The following FER1L6 variants were observed in gnomAD, a reference collection of about 807,000 sequenced individuals.
The protein encoded by FER1L6 is fer-1-like protein 6.
FER1L6 carries 177 observed loss-of-function variants against 219.2 expected under a neutral mutation model. That is an observed-to-expected ratio of 0.81 (90% CI 0.71 to 0.91). FER1L6 has a LOEUF of 0.91. Among genes scored for constraint, FER1L6 ranks in the 40% least tolerant of loss-of-function variants. The probability of loss-of-function intolerance (pLI) is 0.00; values close to 1 mark genes in which losing one functional copy is unlikely to be tolerated. For synonymous variants in FER1L6, 768 were observed against 824.3 expected (o/e 0.93, Z 1.17); for missense variants, 2,153 against 2,259.9 (o/e 0.95, Z 0.96).
chr8:124,025,353 G>A (rs1304386307), intron 18 of FER1L6, among the ~76,000 whole-genome samples: 3 of 151,904 alleles, frequency 2.0e-5, no homozygotes, highest in Admixed American at 6.6e-5. Flanking sequence ...TAATTTTTTT[G>A]TATATGGTGA....
chr8:123,954,647 A>C (rs1385489587), intron 1 of FER1L6, among the ~76,000 whole-genome samples: 1 of 152,170 alleles, frequency 6.6e-6, no homozygotes, highest in Non-Finnish European at 1.5e-5. Flanking sequence ...TTCACACATG[A>C]GGACCCTGAA....
intron 20 of FER1L6, among the ~76,000 whole-genome samples, chr8:124,043,769 G>A (rs1399593602): frequency 1.3e-5 from 2 of 152,244 alleles, no homozygotes; most frequent in Non-Finnish European, 1.5e-5. Context: ...CTCAGTCACT[G>A]AATGAGGACG....
chr8:124,054,097 CCT>C (rs1161554682), intron 22 of FER1L6, among the ~76,000 whole-genome samples: 4 of 152,160 alleles, frequency 2.6e-5, no homozygotes, highest in Admixed American at 1.3e-4. Context: ...GTTCCCATCC[CCT>C]GTTCCCATGG....
At chr8:123,886,044 C>T (rs1376233689) in intron 1 of FER1L6, among the ~76,000 whole-genome samples, 1 of 152,212 alleles carries the variant, frequency 6.6e-6, no homozygotes, top group Admixed American at 6.5e-5. Context: ...TGCCATTTGC[C>T]TTGAGACTGC....
intron 33 of FER1L6, among the ~76,000 whole-genome samples, chr8:124,087,248 T>C (rs144843970): frequency 1.3e-5 from 2 of 152,270 alleles, no homozygotes; most frequent in Non-Finnish European, 2.9e-5. Flanking sequence ...TTCTAGATCT[T>C]GTAGGCATGC....
chr8:123,916,443 T>C (rs966333310), intron 1 of FER1L6, among the ~76,000 whole-genome samples: 1 of 152,200 alleles, frequency 6.6e-6, no homozygotes, highest in Non-Finnish European at 1.5e-5. Context: ...AAATTATCCT[T>C]TTCTCTCCAT....
chr8:124,041,112 A>G (rs1428611052), intron 20 of FER1L6, among the ~76,000 whole-genome samples: 3 of 152,210 alleles, frequency 2.0e-5, no homozygotes, highest in Non-Finnish European at 4.4e-5. Flanking sequence ...GTGGTTTGAA[A>G]AGAGGAAAAC....
Position 124,080,327 on chromosome 8 carries a change from T to C in FER1L6, c.4221-1961T>C, listed in dbSNP as rs539805626. 2.6e-5 allele frequency among the ~76,000 whole-genome samples: 4 copies of C among 152,236 alleles called. No homozygotes were observed. In the South Asian group the frequency reaches 6.2e-4, roughly 24 times the overall value. ...CATAGTGGGCTGTTTTTGGTAACTTTTTTTTTCAAGATGGAGTTTTGCTCT... is the reference window on the plus strand; with the variant it reads ...CATAGTGGGCTGTTTTTGGTAACTTCTTTTTTCAAGATGGAGTTTTGCTCT... On this transcript the variant is annotated intron_variant, in intron 32 of 40. Coordinates refer to ENST00000522917, the MANE Select transcript of FER1L6 (RefSeq NM_001039112.2).
chr8:123,951,178 T>C (rs1814745118), intron 1 of FER1L6, among the ~76,000 whole-genome samples: 1 of 152,184 alleles, frequency 6.6e-6, no homozygotes, highest in Non-Finnish European at 1.5e-5. Context: ...CTGTGGCACA[T>C]TAGAATCACC....
chr8:123,896,592 G>T (rs984655910), intron 1 of FER1L6, among the ~76,000 whole-genome samples: 1 of 152,026 alleles, frequency 6.6e-6, no homozygotes, highest in Non-Finnish European at 1.5e-5. Context: ...ATTTTAAAGC[G>T]TCTATTATTT....
At chr8:124,058,221 A>C (rs1820397557) in intron 22 of FER1L6, among the ~76,000 whole-genome samples, 1 of 152,146 alleles carries the variant, frequency 6.6e-6, no homozygotes, top group Non-Finnish European at 1.5e-5. Context: ...TGACCCTAAG[A>C]GTGAGTGCCT....
chr8:123,936,169 C>G (rs1412020044), intron 1 of FER1L6, among the ~76,000 whole-genome samples: 1 of 152,056 alleles, frequency 6.6e-6, no homozygotes, highest in Non-Finnish European at 1.5e-5. Flanking sequence ...AGGAGGAATG[C>G]CAACAGCCTA....
At chr8:124,119,461 C>T in intron 40 of FER1L6, 146 bp from the exon 41 acceptor site, 1 of 660,424 alleles carries the variant, frequency 1.5e-6, no homozygotes, top group East Asian at 2.6e-5. Context: ...GCTGCTCCTG[C>T]TTCAGGCAAC....
chr8:124,000,726 C>T (rs143353641), intron 12 of FER1L6, among the ~76,000 whole-genome samples: 56 of 152,234 alleles, frequency 3.7e-4, no homozygotes, highest in African/African-American at 1.2e-3. Flanking sequence ...AAAGCCATTC[C>T]CAGAAAGAGC....
intron 18 of FER1L6, among the ~76,000 whole-genome samples, 168 bp downstream of exon 18, chr8:124,023,764 C>T (rs1174784413): frequency 6.6e-6 from 1 of 152,132 alleles, no homozygotes; most frequent in Non-Finnish European, 1.5e-5. Flanking sequence ...ATTCAGTAGA[C>T]CACCTTTAGG....
intron 5 of FER1L6, among the ~76,000 whole-genome samples, chr8:123,966,541 T>G (rs532449452): frequency 6.6e-6 from 1 of 152,360 alleles, no homozygotes. Context: ...ATACGTTTTC[T>G]TATTTATTAT....
In FER1L6 at chr8:124,066,552, TAG is replaced by T. The variant is rs751211519; in HGVS notation, c.3678+5_3678+6del. 85 of 1,613,422 alleles carry T rather than the reference TAG, an allele frequency of 5.3e-5. No individual in the cohort carries two copies. Among genetic ancestry groups the T allele is most frequent in the African/African-American group, 9.3e-5 (7 of 74,992 alleles). ...GCCTCCCTGAAGAAAGCCCAGAAGG[TAG>T]AGTCTCCCCTACCTGTGGCAGTTAA... On this transcript the variant is annotated splice_donor_region_variant and intron_variant, in intron 27 of 40. Coordinates refer to ENST00000522917, the MANE Select transcript of FER1L6 (RefSeq NM_001039112.2).
intron 1 of FER1L6, among the ~76,000 whole-genome samples, chr8:123,858,261 T>G (rs1474506312): frequency 6.6e-6 from 1 of 152,224 alleles, no homozygotes; most frequent in African/African-American, 2.4e-5. Context: ...ATGGCGTCTG[T>G]CAGGTTCTTG....
At chr8:123,903,060 T>G (rs373593920) in intron 1 of FER1L6, among the ~76,000 whole-genome samples, 19 of 152,292 alleles carry the variant, frequency 1.2e-4, no homozygotes, top group African/African-American at 4.6e-4. Flanking sequence ...TATATGATGC[T>G]TAGTAATTTG....
Sources: allele counts gnomAD v4.1 joint callset (sites outside exome capture counted in the v4.1 genomes callset), GRCh38; gene constraint gnomAD v4.1.1; transcripts MANE v1.5; gene names NCBI Gene and HGNC (gene_info 2026-07-23, HGNC 2026-07-21).